The following COL3A1 variants were observed in gnomAD, a reference collection of about 807,000 sequenced individuals.
The protein encoded by COL3A1 is collagen type III alpha 1 chain, also known as collagen alpha-1(III) chain.
In COL3A1, 46 loss-of-function variants were observed where a neutral mutation model predicts 200.9. That is an observed-to-expected ratio of 0.23 (90% CI 0.18 to 0.29). The LOEUF (loss-of-function observed/expected upper bound fraction) is 0.29. Among genes scored for constraint, COL3A1 ranks in the 10% least tolerant of loss-of-function variants. COL3A1 has a pLI of 1.00. For missense variants in COL3A1, 1,367 were observed against 1,917.6 expected, an observed-to-expected ratio of 0.71 and a Z score of 5.36; for synonymous variants, 650 against 628.0, an observed-to-expected ratio of 1.03 and a Z score of -0.52.
chr2:189,001,597 T>A lies in COL3A1; in HGVS notation c.2391+8T>A. ...GGACCTCGTGGTAGCCCTGTAAGTG[T>A]TAAAGACATTCTCAACATACTTTTT... is the stretch of plus-strand genomic sequence containing the variant. On this transcript the variant is annotated splice_region_variant and intron_variant, in intron 34 of 50. Coordinates refer to ENST00000304636, the MANE Select transcript of COL3A1 (RefSeq NM_000090.4). 6.2e-7 allele frequency: 1 copy of A among 1,611,534 alleles called. No individual in the cohort carries two copies. The highest frequency in any genetic ancestry group is 8.5e-7 in the Non-Finnish European group (1 of 1,179,936).
rs1688294316 is a variant in COL3A1 at position 188,995,802 on chromosome 2, CATTT to C, written c.1608+13_1608+16del. The C allele has an allele frequency of 1.2e-5, 18 of 1,544,754 alleles. 1 individual carries two copies. The highest frequency in any genetic ancestry group is 2.7e-5 in the African/African-American group (2 of 72,956). The stretch of plus-strand genomic sequence containing the variant: ...GTCCAGGAATGAGGGTACAGAGAAA[CATTT>C]GTTTGAATGACACTTTAATTTAGAC... On this transcript the variant is annotated intron_variant, in intron 22 of 50. Coordinates refer to ENST00000304636, the MANE Select transcript of COL3A1 (RefSeq NM_000090.4).
At chr2:189,009,902 G>C (rs1343499168) in intron 48 of COL3A1, among the ~76,000 whole-genome samples, 4 of 152,092 alleles carry the variant, frequency 2.6e-5, no homozygotes, top group African/African-American at 9.7e-5. Context: ...TTAAAGGAGA[G>C]ACTTTTGCAA....
chr2:189,007,832 T>G, intron 45 of COL3A1, 53 bp from the exon 46 acceptor site: 1 of 1,592,896 alleles, frequency 6.3e-7, no homozygotes, highest in East Asian at 2.2e-5. Flanking sequence ...AATGTACAGT[T>G]TCCCAGTGCT....
At chr2:188,991,423 T>C in intron 11 of COL3A1, 64 bp from the exon 12 acceptor site, 1 of 1,081,218 alleles carries the variant, frequency 9.2e-7, no homozygotes, top group African/African-American at 1.6e-5. Context: ...ATATTCTGTA[T>C]TTAAAAATAT....
chr2:189,008,219 T>A (rs959816082), intron 47 of COL3A1, 77 bp downstream of exon 47: 1 of 1,261,584 alleles, frequency 7.9e-7, no homozygotes, highest in Non-Finnish European at 1.1e-6. Flanking sequence ...GCATTATGTT[T>A]AAATTGAAAT....
At position 188,976,965 on chromosome 2, in the gene COL3A1, C is replaced by T. The variant is rs187380249; in HGVS notation, c.79+2397C>T. ...TAATGAGCTTTAAAAAATTCATATG[C>T]GTGAATTTTAAATGTTAACACTGCT... is the stretch of plus-strand genomic sequence containing the variant. On this transcript the variant is annotated intron_variant, in intron 1 of 50. Transcript: ENST00000304636. 1.2e-3 allele frequency among the ~76,000 whole-genome samples: 187 copies of T among 152,094 alleles called. 1 individual carries two copies. Among genetic ancestry groups the T allele is most frequent in the Admixed American group, 0.01 (160 of 15,276 alleles).
chr2:188,985,784 A>G lies in COL3A1; in HGVS notation c.447+6A>G. 6.3e-7 allele frequency: 1 copy of G among 1,589,598 alleles called. No homozygotes were observed. Among genetic ancestry groups the G allele is most frequent in the South Asian group, 1.1e-5 (1 of 90,478 alleles). Reference sequence around the variant, plus strand: ...CATGCCCTACTGGTCCTCAGGTATAACAATTACGGTACTTAAAAAATTCCC... The same window carrying G: ...CATGCCCTACTGGTCCTCAGGTATAGCAATTACGGTACTTAAAAAATTCCC... On this transcript the variant is annotated splice_donor_region_variant and intron_variant, in intron 4 of 50. Coordinates refer to ENST00000304636, the MANE Select transcript of COL3A1 (RefSeq NM_000090.4).
intron 1 of COL3A1, 150 bp from the exon 2 acceptor site, chr2:188,984,610 T>G: frequency 2.9e-6 from 2 of 693,466 alleles, no homozygotes; most frequent in South Asian, 3.5e-5. Flanking sequence ...GCAAATTACA[T>G]AGGGCAAGTA....
At chr2:188,976,396 ATG>A (rs777282477) in intron 1 of COL3A1, among the ~76,000 whole-genome samples, 22 of 152,090 alleles carry the variant, frequency 1.4e-4, no homozygotes, top group Non-Finnish European at 2.8e-4. Flanking sequence ...TTTTGCTGAT[ATG>A]TGTTTGTGTG....
At chr2:188,993,999 C>A in intron 16 of COL3A1, 39 bp from the exon 17 acceptor site, 1 of 1,581,008 alleles carries the variant, frequency 6.3e-7, no homozygotes, top group Non-Finnish European at 8.7e-7. Flanking sequence ...GAACTATTTG[C>A]ATTACTATTA....
At chr2:188,996,369 C>A (rs748177594) in intron 23 of COL3A1, 29 bp from the exon 24 acceptor site, 1 of 1,560,694 alleles carries the variant, frequency 6.4e-7, no homozygotes, top group Admixed American at 1.7e-5. Context: ...CTTTATCAAA[C>A]CTTTATTAAT....
chr2:188,974,996 A>T (rs950436760), intron 1 of COL3A1, among the ~76,000 whole-genome samples: 2 of 152,220 alleles, frequency 1.3e-5, no homozygotes, highest in African/African-American at 4.8e-5. Flanking sequence ...CTGAATAAGA[A>T]TGCCTTTCAA....
At chr2:188,995,161 A>G in intron 21 of COL3A1, 62 bp downstream of exon 21, 1 of 1,466,552 alleles carries the variant, frequency 6.8e-7, no homozygotes, top group Non-Finnish European at 9.5e-7. Flanking sequence ...GTTCTTGTAT[A>G]CAATTTCTCA....
At chr2:188,990,228 T>TA in intron 9 of COL3A1, 79 bp downstream of exon 9, 1 of 1,580,262 alleles carries the variant, frequency 6.3e-7, no homozygotes, top group East Asian at 2.2e-5. Context: ...GAATTAAACT[T>TA]AAAAACAGAA....
intron 1 of COL3A1, among the ~76,000 whole-genome samples, chr2:188,979,971 G>C (rs964134160): frequency 6.6e-6 from 1 of 151,582 alleles, no homozygotes; most frequent in African/African-American, 2.4e-5. Context: ...GCCTTTGGGA[G>C]TATGAAGCAA....
intron 35 of COL3A1, 101 bp from the exon 36 acceptor site, chr2:189,002,854 C>G (rs750284340): frequency 1.9e-5 from 17 of 916,742 alleles, no homozygotes; most frequent in Non-Finnish European, 2.8e-5. Context: ...TATTTCAACT[C>G]CTTCCATCTG....
At chr2:189,006,075 C>G (rs1688579356) in intron 41 of COL3A1, 131 bp from the exon 42 acceptor site, 1 of 862,242 alleles carries the variant, frequency 1.2e-6, no homozygotes, top group African/African-American at 1.7e-5. Context: ...TTTGTAATAT[C>G]TAAGATTTCT....
intron 32 of COL3A1, 134 bp from the exon 33 acceptor site, chr2:189,001,263 T>C (rs1249117758): frequency 1.3e-6 from 1 of 782,904 alleles, no homozygotes; most frequent in Non-Finnish European, 2.1e-6. Flanking sequence ...AAGCATAGCA[T>C]TCAAGCCATA....
intron 1 of COL3A1, among the ~76,000 whole-genome samples, chr2:188,975,997 T>TTC (rs759058352): frequency 3.3e-5 from 5 of 151,822 alleles, no homozygotes; most frequent in Non-Finnish European, 7.4e-5. Flanking sequence ...TTTTTTTTAG[T>TTC]TCTCTCTCTC....
Sources: gnomAD v4.1 joint callset for allele counts (sites outside exome capture counted in the v4.1 genomes callset) on GRCh38, gnomAD v4.1.1 for gene constraint, MANE v1.5 for transcripts, NCBI Gene and HGNC (gene_info 2026-07-23, HGNC 2026-07-21) for gene names.